The following DSCAM variants were observed in gnomAD, a reference collection of about 807,000 sequenced individuals.
The protein encoded by DSCAM is DS cell adhesion molecule, also known as cell adhesion molecule DSCAM.
Under a neutral mutation model 217.7 loss-of-function variants are expected in DSCAM, and 47 were observed. The observed-to-expected ratio is 0.22, with a 90% CI of 0.17 to 0.28. DSCAM has a LOEUF of 0.28. DSCAM is among the 10% of genes least tolerant of loss of function. The pLI is 1.00. For missense variants in DSCAM, 2,080 were observed against 2,618.3 expected, an observed-to-expected ratio of 0.79 and a Z score of 4.49; for synonymous variants, 1,056 against 1,015.3, an observed-to-expected ratio of 1.04 and a Z score of -0.76.
At chr21:40,082,382 C>A (rs1339049776) in intron 24 of DSCAM, among the ~76,000 whole-genome samples, 1 of 152,190 alleles carries the variant, frequency 6.6e-6, no homozygotes, top group Non-Finnish European at 1.5e-5. Flanking sequence ...ATCACTTGAA[C>A]CCGGGAGGCA....
chr21:40,580,852 C>T (rs1039689942), intron 3 of DSCAM, among the ~76,000 whole-genome samples: 2 of 152,066 alleles, frequency 1.3e-5, no homozygotes, highest in African/African-American at 4.8e-5. Flanking sequence ...TGGAGCATAG[C>T]TATGGTGTTT....
intron 1 of DSCAM, among the ~76,000 whole-genome samples, chr21:40,774,959 A>G (rs1330623033): frequency 7.3e-6 from 1 of 136,104 alleles, no homozygotes; most frequent in Non-Finnish European, 1.6e-5. Flanking sequence ...GAGCAAAATT[A>G]TTATGTAATA....
intron 14 of DSCAM, among the ~76,000 whole-genome samples, chr21:40,182,650 T>TACCAGAGAAACCGTGGACGGGGGGGGGC (rs2090829272): frequency 1.9e-5 from 1 of 53,818 alleles, no homozygotes. Flanking sequence ...CAGGAGGGGG[T>TACCAGAGAAACCGTGGACGGGGGGGGGC]TACCAGAGAA....
intron 11 of DSCAM, among the ~76,000 whole-genome samples, chr21:40,207,522 T>C (rs11909875): frequency 0.034 from 5,213 of 152,304 alleles, 129 homozygotes; most frequent in African/African-American, 0.066. Flanking sequence ...TAAATGTGCA[T>C]AGTTTATGTA....
At chr21:40,806,480 C>T (rs1236658743) in intron 1 of DSCAM, among the ~76,000 whole-genome samples, 2 of 152,204 alleles carry the variant, frequency 1.3e-5, no homozygotes, top group Non-Finnish European at 2.9e-5. Flanking sequence ...ACACAAGCGT[C>T]TTTGAATGAC....
chr21:40,022,777 A>AT (rs2088297109), intron 32 of DSCAM, among the ~76,000 whole-genome samples: 1 of 120,166 alleles, frequency 8.3e-6, no homozygotes, highest in East Asian at 2.1e-4. Context: ...GGCACAATAC[A>AT]TTCTTTTTTT....
chr21:40,023,213 T>A (rs544271080), intron 32 of DSCAM, among the ~76,000 whole-genome samples: 86 of 152,204 alleles, frequency 5.7e-4, no homozygotes, highest in African/African-American at 1.4e-3. Context: ...CATCATTTTT[T>A]ATGGCTGCAT....
intron 9 of DSCAM, among the ~76,000 whole-genome samples, chr21:40,302,513 A>G (rs1382587547): frequency 6.6e-6 from 1 of 152,204 alleles, no homozygotes; most frequent in Non-Finnish European, 1.5e-5. Flanking sequence ...ATAAAAATGG[A>G]CTAATACAGA....
At chr21:40,550,139 C>A (rs113419640) in intron 3 of DSCAM, among the ~76,000 whole-genome samples, 1 of 152,128 alleles carries the variant, frequency 6.6e-6, no homozygotes, top group African/African-American at 2.4e-5. Context: ...ACACCAACAC[C>A]GAGCCCCAGG....
At chr21:40,440,364 C>T (rs1311853777) in intron 3 of DSCAM, among the ~76,000 whole-genome samples, 1 of 151,732 alleles carries the variant, frequency 6.6e-6, no homozygotes, top group African/African-American at 2.4e-5. Flanking sequence ...ACCTATACCA[C>T]ATGAGGTTGC....
chr21:40,271,169 C>A (rs554398955), intron 11 of DSCAM, among the ~76,000 whole-genome samples: 1 of 152,164 alleles, frequency 6.6e-6, no homozygotes, highest in Non-Finnish European at 1.5e-5. Flanking sequence ...ATGGGCACAG[C>A]GACCCACAGA....
intron 11 of DSCAM, among the ~76,000 whole-genome samples, chr21:40,251,711 T>C (rs2073307281): frequency 6.6e-6 from 1 of 152,180 alleles, no homozygotes; most frequent in Admixed American, 6.5e-5. Context: ...TGAGTGTAGG[T>C]AGGTCCTGTG....
intron 3 of DSCAM, among the ~76,000 whole-genome samples, chr21:40,600,861 G>A (rs1053415847): frequency 6.6e-6 from 1 of 152,130 alleles, no homozygotes; most frequent in Non-Finnish European, 1.5e-5. Flanking sequence ...ATATTTGTGT[G>A]CATCTGTTTC....
intron 3 of DSCAM, among the ~76,000 whole-genome samples, chr21:40,429,867 G>A (rs2075513834): frequency 1.3e-5 from 2 of 152,128 alleles, no homozygotes; most frequent in Admixed American, 6.5e-5. Context: ...ATGGTGAGAT[G>A]CAAAATATAA....
intron 1 of DSCAM, among the ~76,000 whole-genome samples, chr21:40,775,567 A>G (rs1450004019): frequency 6.6e-6 from 1 of 152,140 alleles, no homozygotes; most frequent in Non-Finnish European, 1.5e-5. Context: ...CTTACAACGG[A>G]TTCTGAGGCA....
At chr21:40,188,927 C>T (rs552214454) in intron 12 of DSCAM, 115 bp downstream of exon 12, 52 of 1,065,804 alleles carry the variant, frequency 4.9e-5, no homozygotes, top group African/African-American at 3.4e-4. Flanking sequence ...AATAGTGCTT[C>T]GTAAATAAAT....
At chr21:40,490,304 G>A (rs1357479910) in intron 3 of DSCAM, among the ~76,000 whole-genome samples, 2 of 152,086 alleles carry the variant, frequency 1.3e-5, no homozygotes. Context: ...AGGTCTATGT[G>A]ATTTGCTAAG....
At chr21:40,595,523 A>T (rs888678069) in intron 3 of DSCAM, among the ~76,000 whole-genome samples, 5 of 144,564 alleles carry the variant, frequency 3.5e-5, no homozygotes, top group African/African-American at 1.3e-4. Flanking sequence ...TGTGCAAAAG[A>T]CTCCCAGTGC....
intron 1 of DSCAM, among the ~76,000 whole-genome samples, chr21:40,844,118 G>T (rs755707851): frequency 6.6e-6 from 1 of 152,094 alleles, no homozygotes; most frequent in Non-Finnish European, 1.5e-5. Flanking sequence ...GACAGTTGTT[G>T]ACAAAAATAT....
Sources: gnomAD v4.1 joint callset for allele counts (sites outside exome capture counted in the v4.1 genomes callset) on GRCh38, gnomAD v4.1.1 for gene constraint, MANE v1.5 for transcripts, NCBI Gene and HGNC (gene_info 2026-07-23, HGNC 2026-07-21) for gene names.